The following UPF1 variants were observed in gnomAD, a reference collection of about 807,000 sequenced individuals.
UPF1 encodes the protein regulator of nonsense transcripts 1.
A neutral mutation model predicts 129.2 loss-of-function variants in UPF1; 9 were observed. The observed-to-expected ratio is 0.07, with a 90% CI of 0.04 to 0.12. The LOEUF is 0.12. Ranked by LOEUF, UPF1 falls within the 10% of genes least tolerant of loss-of-function variation. The pLI is 1.00. For synonymous variants in UPF1, 649 were observed against 644.9 expected (o/e 1.01, Z -0.10); for missense variants, 788 against 1,525.3 (o/e 0.52, Z 8.05).
rs1235336509 is a variant in UPF1 at position 18,856,428 on chromosome 19, CCT to C, written c.1824+133_1824+134del. 147 of 857,594 alleles carry C rather than the reference CCT, an allele frequency of 1.7e-4. 2 individuals are homozygous for C. The South Asian group carries it at 2.1e-3, about 12-fold the overall frequency. 53.1% of individuals were successfully genotyped at this position (857,594 alleles called of 1,614,324 possible). ...GAGAACTTAGATGCTCTCTACTTGG[CCT>C]CTCTGCGCTCAGTTGTACAGTAAAT... On this transcript the variant is annotated intron_variant, in intron 13 of 23. Transcript: ENST00000262803.
chr19:18,844,374 C>A (rs968903330), intron 1 of UPF1, among the ~76,000 whole-genome samples: 1 of 150,196 alleles, frequency 6.7e-6, no homozygotes, highest in African/African-American at 2.5e-5. Context: ...CAAGGTGGAG[C>A]GTGCAGTGGC....
intron 18 of UPF1, among the ~76,000 whole-genome samples, chr19:18,862,359 T>A (rs2055789654): frequency 6.6e-6 from 1 of 152,156 alleles, no homozygotes. Context: ...CAGGACGTAT[T>A]TTTCCAGGCC....
chr19:18,835,753 A>T (rs1027523222), intron 1 of UPF1, among the ~76,000 whole-genome samples: 1 of 152,070 alleles, frequency 6.6e-6, no homozygotes, highest in South Asian at 2.1e-4. Flanking sequence ...GGTTGTTTCC[A>T]CCTCTTGGCT....
Position 18,853,835 on chromosome 19 carries a change from G to C in UPF1, c.1156+485G>C, listed in dbSNP as rs545625832. Reference sequence around the variant, plus strand: ...GCAGCCTGCCGGCCAGAGTGGGGCAGCTGTAAGGCACAGGTGCAGTCAGAG... The same window carrying C: ...GCAGCCTGCCGGCCAGAGTGGGGCACCTGTAAGGCACAGGTGCAGTCAGAG... On this transcript the variant is annotated intron_variant, in intron 8 of 23. Transcript: ENST00000262803. This position sits in a 1 kb window ranked among gnomAD's most constrained non-coding sequence, Gnocchi z 4.4. 6.6e-6 allele frequency among the ~76,000 whole-genome samples: 1 copy of C among 152,216 alleles called. No individual in the cohort carries two copies. The highest frequency in any genetic ancestry group is 2.4e-5 in the African/African-American group (1 of 41,444).
rs1449167617 is a variant in UPF1, at chr19:18,850,424, A to G, written c.629+182A>G. On this transcript the variant is annotated intron_variant, in intron 4 of 23. Transcript: ENST00000262803. The surrounding 1 kb of genome is among the most constrained non-coding windows in gnomAD (Gnocchi z 7.1). ...CGCTGAGGCTTGTTAAGGAGTCGGC[A>G]GTGCCGTGTAACTCTTTTGGGGCGT... Among the ~76,000 whole-genome samples, 2 of 152,270 alleles carry G rather than the reference A, an allele frequency of 1.3e-5. No homozygotes were observed. The highest frequency in any genetic ancestry group is 2.9e-5 in the Non-Finnish European group (2 of 68,040).
chr19:18,865,991 G>A lies in UPF1; in HGVS notation c.3238-53G>A. 1.9e-6 allele frequency: 3 copies of A among 1,609,232 alleles called. No homozygotes were observed. Among genetic ancestry groups the A allele is most frequent in the Non-Finnish European group, 2.5e-6 (3 of 1,178,758 alleles). On this transcript the variant is annotated intron_variant, in intron 22 of 23. Transcript: ENST00000262803. The surrounding 1 kb of genome is among the most constrained non-coding windows in gnomAD (Gnocchi z 6.1). ...CTCTGGGGCTGCTGAGGGCTGGGTG[G>A]ATGTGAGCACCCTTGGCCTGTGGCT...
rs546211820 is a variant in UPF1 at position 18,843,721 on chromosome 19, G to A, written c.232-2259G>A. On this transcript the variant is annotated intron_variant, in intron 1 of 23. Coordinates refer to ENST00000262803, the MANE Select transcript of UPF1 (RefSeq NM_002911.4). ...GTTTTGCCATGTTGGCCAGGCTTGT[G>A]TGTGTGTGTGTGTGTGTGTGTGTGT... 3.3e-4 allele frequency among the ~76,000 whole-genome samples: 42 copies of A among 128,536 alleles called. No individual in the cohort carries two copies. In the South Asian group the frequency reaches 4.1e-3, roughly 13 times the overall value. The allele number at this position is 128,536 out of a possible 152,430, so 84.3% of individuals were successfully genotyped here. A position where few individuals can be genotyped will look rare whatever the true frequency, so the allele number is the denominator to read the frequency against.
rs374568671 is a variant in UPF1, at chr19:18,867,988, G to C, written c.*1471G>C. 24 of 154,926 alleles carry C rather than the reference G, an allele frequency of 1.5e-4. No individual in the cohort carries two copies. Among genetic ancestry groups the C allele is most frequent in the African/African-American group, 5.5e-4 (23 of 41,574 alleles). The allele number at this position is 154,926 out of a possible 1,614,324, so 9.6% of individuals were successfully genotyped here. A position where few individuals can be genotyped will look rare whatever the true frequency, so the allele number is the denominator to read the frequency against. On this transcript the variant is annotated 3_prime_UTR_variant, in exon 24 of 24. Transcript: ENST00000262803. ...GTTTCCCCTTCTTCCGGTAGGCCGC[G>C]TAGAGGCATGCACCGGGTAGGTTTC... is the stretch of plus-strand genomic sequence containing the variant.
intron 15 of UPF1, 43 bp from the exon 16 acceptor site, chr19:18,860,278 G>A (rs189416645): frequency 6.2e-7 from 1 of 1,600,422 alleles, no homozygotes; most frequent in Non-Finnish European, 8.6e-7. Flanking sequence ...ATTTGAGGCG[G>A]GCTAGGGCTT....
chr19:18,852,709 T>C (rs1301668265), intron 6 of UPF1, among the ~76,000 whole-genome samples: 24 of 142,728 alleles, frequency 1.7e-4, no homozygotes, highest in Non-Finnish European at 3.1e-5. Context: ...CTCTCTCTCT[T>C]CCTCCCTCCC....
intron 19 of UPF1, among the ~76,000 whole-genome samples, chr19:18,863,842 C>T (rs1390921804): frequency 6.6e-6 from 1 of 152,182 alleles, no homozygotes; most frequent in East Asian, 1.9e-4. Context: ...GAATTGGGCT[C>T]AGGGCTGCTG....
At chr19:18,844,320 C>CT (rs1475764851) in intron 1 of UPF1, among the ~76,000 whole-genome samples, 13 of 147,338 alleles carry the variant, frequency 8.8e-5, no homozygotes, top group African/African-American at 3.3e-4. Flanking sequence ...TTGGGTTTTT[C>CT]TTTTTTCTTT....
chr19:18,863,219 C>G, intron 18 of UPF1: 1 of 538,562 alleles, frequency 1.9e-6, no homozygotes. Context: ...TGCCATGGGG[C>G]TGCTTAGAGT....
chr19:18,863,916 A>C (rs963696446), intron 19 of UPF1, among the ~76,000 whole-genome samples: 20 of 152,182 alleles, frequency 1.3e-4, no homozygotes, highest in African/African-American at 3.9e-4. Context: ...GCCCGGGGTG[A>C]TCTGGTAGTG....
intron 15 of UPF1, 153 bp from the exon 16 acceptor site, chr19:18,860,168 C>T (rs545364476): frequency 4.2e-5 from 32 of 764,276 alleles, no homozygotes; most frequent in Non-Finnish European, 5.2e-5. Context: ...GCCAGGGGAC[C>T]GGCTCAGGTG....
chr19:18,857,836 C>G (rs2055735323), intron 15 of UPF1, among the ~76,000 whole-genome samples: 1 of 152,220 alleles, frequency 6.6e-6, no homozygotes, highest in South Asian at 2.1e-4. Context: ...TGAGCCCGGG[C>G]CTTAACGTGG....
chr19:18,861,836 GAAAAC>G (rs940482411), intron 17 of UPF1, among the ~76,000 whole-genome samples, 169 bp from the exon 18 acceptor site: 3 of 152,154 alleles, frequency 2.0e-5, no homozygotes, highest in Admixed American at 1.3e-4. Flanking sequence ...TCTAAAAAAA[GAAAAC>G]AAAACGAAAT....
Position 18,851,104 on chromosome 19 carries a change from G to T in UPF1, c.810+236G>T, listed in dbSNP as rs749073702. Reference sequence around the variant, plus strand: ...CCTTGGGGAAAGGAAAGCTCTGGCTGCTGGAATTTTTCTTGTCTTGCCGGG... The same window carrying T: ...CCTTGGGGAAAGGAAAGCTCTGGCTTCTGGAATTTTTCTTGTCTTGCCGGG... On this transcript the variant is annotated intron_variant, in intron 5 of 23. Coordinates refer to ENST00000262803, the MANE Select transcript of UPF1 (RefSeq NM_002911.4). The surrounding 1 kb of genome is among the most constrained non-coding windows in gnomAD (Gnocchi z 4.2). 40 of 434,676 alleles carry T rather than the reference G, an allele frequency of 9.2e-5. No homozygotes were observed. The highest frequency in any genetic ancestry group is 1.7e-4 in the Admixed American group (4 of 24,120). The allele number at this position is 434,676 out of a possible 1,614,324, so 26.9% of individuals were successfully genotyped here. A position where few individuals can be genotyped will look rare whatever the true frequency, so the allele number is the denominator to read the frequency against.
rs148071132 is a variant in UPF1 at position 18,868,161 on chromosome 19, A to G, written c.*1644A>G. 5 of 235,714 alleles carry G rather than the reference A, an allele frequency of 2.1e-5. No individual in the cohort carries two copies. Among genetic ancestry groups the G allele is most frequent in the East Asian group, 2.1e-4 (2 of 9,448 alleles). 14.6% of individuals were successfully genotyped at this position (235,714 alleles called of 1,614,324 possible). ...AACCCAGGCGCACTGTACCAAGGCA[A>G]TGTAACTTTTGATTTTCGGTCAATT... On this transcript the variant is annotated 3_prime_UTR_variant, in exon 24 of 24. Coordinates refer to ENST00000262803, the MANE Select transcript of UPF1 (RefSeq NM_002911.4).
Sources: allele counts gnomAD v4.1 joint callset (sites outside exome capture counted in the v4.1 genomes callset), GRCh38; gene constraint gnomAD v4.1.1; non-coding constraint Gnocchi (gnomAD v3.1); transcripts MANE v1.5; gene names NCBI Gene and HGNC (gene_info 2026-07-23, HGNC 2026-07-21).